Variants in THSD7A observed in about 807,000 individuals in gnomAD.
THSD7A encodes thrombospondin type-1 domain-containing protein 7A.
Under a neutral mutation model 231.3 loss-of-function variants are expected in THSD7A, and 96 were observed. The ratio of observed to expected loss-of-function variants is 0.41; its 90% CI spans 0.35 to 0.49. The LOEUF (loss-of-function observed/expected upper bound fraction) is 0.49, where lower values mean the gene tolerates loss of function less well. THSD7A is among the 20% of genes least tolerant of loss of function. The pLI, the probability that THSD7A is intolerant of heterozygous loss-of-function variation, is 0.05. For synonymous variants in THSD7A, 940 were observed against 743.3 expected (o/e 1.26, Z -4.30); for missense variants, 2,290 against 2,070.2 (o/e 1.11, Z -2.06).
chr7:11,636,360 T>C lies in THSD7A; in HGVS notation c.792A>G (p.Ser264=). 1 of 1,613,906 alleles carries C rather than the reference T, an allele frequency of 6.2e-7. No homozygotes were observed. The highest frequency in any genetic ancestry group is 8.5e-7 in the Non-Finnish European group (1 of 1,179,882). Residue 264 remains serine, a synonymous_variant, in exon 2 of 28, where the codon TCA becomes TCG. Coordinates refer to ENST00000423059, the MANE Select transcript of THSD7A (RefSeq NM_015204.3). This position sits in a 1 kb window ranked among gnomAD's most constrained non-coding sequence, Gnocchi z 10.0. Reference sequence around the variant, plus strand: ...GTCTTACTTGTCGGGAGTGGGGCATTGAGCAGGTGCTCCAGGGCCCCACAT... The same window carrying C: ...GTCTTACTTGTCGGGAGTGGGGCATCGAGCAGGTGCTCCAGGGCCCCACAT... ...SLHVGPWSTC[S]MPHSRQVRQA... is the part of the protein sequence containing the mutation.
intron 1 of THSD7A, among the ~76,000 whole-genome samples, chr7:11,719,212 C>T (rs1487809852): frequency 6.6e-6 from 1 of 151,604 alleles, no homozygotes; most frequent in Non-Finnish European, 1.5e-5. Context: ...TGGGTTCCTT[C>T]TATCTTCCCA....
intron 1 of THSD7A, among the ~76,000 whole-genome samples, chr7:11,799,186 G>T (rs1784210990): frequency 6.6e-6 from 1 of 152,134 alleles, no homozygotes; most frequent in Non-Finnish European, 1.5e-5. Context: ...CTCTCAAAGT[G>T]CTGGGATTAG....
chr7:11,400,866 G>A (rs1783377196), intron 23 of THSD7A, among the ~76,000 whole-genome samples: 1 of 152,200 alleles, frequency 6.6e-6, no homozygotes, highest in Non-Finnish European at 1.5e-5. Context: ...AGCATTAAGG[G>A]TTGTTTGTTG....
intron 2 of THSD7A, among the ~76,000 whole-genome samples, chr7:11,603,924 T>C (rs1780644666): frequency 6.6e-6 from 1 of 150,958 alleles, no homozygotes; most frequent in Non-Finnish European, 1.5e-5. Context: ...ATATACCTAA[T>C]GCTAGATGAC....
chr7:11,505,411 C>T (rs1371138066), intron 6 of THSD7A, among the ~76,000 whole-genome samples: 1 of 150,978 alleles, frequency 6.6e-6, no homozygotes, highest in African/African-American at 2.4e-5. Context: ...TCAGCTACAC[C>T]TTAGGTTTCC....
rs1280880534 is a variant in THSD7A at position 11,682,372 on chromosome 7, T to A, written c.191-45411A>T. ...TTTAAGAGATCTATCTCAAATGTAA[T>A]GATGCCCATAGGCTCAAAGTAAAGG... On this transcript the variant is annotated intron_variant, in intron 1 of 27. Transcript: ENST00000423059. Among the ~76,000 whole-genome samples, 3 of 152,060 alleles carry A rather than the reference T, an allele frequency of 2.0e-5. No homozygotes were observed. The East Asian group carries it at 5.8e-4, about 30-fold the overall frequency.
At chr7:11,513,715 G>A (rs1019797198) in intron 6 of THSD7A, among the ~76,000 whole-genome samples, 4 of 152,146 alleles carry the variant, frequency 2.6e-5, no homozygotes, top group Non-Finnish European at 5.9e-5. Context: ...CTAGATCAAT[G>A]TAGTGGTTGC....
At chr7:11,781,395 C>G (rs1311606410) in intron 1 of THSD7A, among the ~76,000 whole-genome samples, 2 of 151,830 alleles carry the variant, frequency 1.3e-5, no homozygotes, top group African/African-American at 4.8e-5. Flanking sequence ...TTTCAGGCTG[C>G]AAATAGCACC....
chr7:11,709,942 T>G (rs965584867), intron 1 of THSD7A, among the ~76,000 whole-genome samples: 2 of 150,866 alleles, frequency 1.3e-5, no homozygotes, highest in African/African-American at 4.8e-5. Context: ...GTATGCAGAC[T>G]TGCTGACTGC....
chr7:11,718,683 C>T (rs1360571218), intron 1 of THSD7A, among the ~76,000 whole-genome samples: 1 of 151,478 alleles, frequency 6.6e-6, no homozygotes, highest in Non-Finnish European at 1.5e-5. Flanking sequence ...AAGAAACTGA[C>T]CAAATTATTA....
At chr7:11,427,200 G>A (rs572755990) in intron 14 of THSD7A, among the ~76,000 whole-genome samples, 2 of 152,200 alleles carry the variant, frequency 1.3e-5, no homozygotes, top group African/African-American at 2.4e-5. Context: ...ACATATAATT[G>A]TAGTAAACAC....
rs78494314 is a variant in THSD7A at position 11,825,123 on chromosome 7, A to T, written c.190+6634T>A. 1.8e-4 allele frequency among the ~76,000 whole-genome samples: 28 copies of T among 152,232 alleles called. No individual in the cohort carries two copies. In the East Asian group the frequency reaches 5.4e-3, roughly 29 times the overall value. On this transcript the variant is annotated intron_variant, in intron 1 of 27. Transcript: ENST00000423059. ...ACAAATAAGTATGTTAGACCAGTAAAATTTCTGCAACTTATGTCATTTTTA... is the reference window on the plus strand; with the variant it reads ...ACAAATAAGTATGTTAGACCAGTAATATTTCTGCAACTTATGTCATTTTTA...
chr7:11,634,574 A>G lies in THSD7A; in HGVS notation c.1022+1556T>C, dbSNP rs1333561449. ...AATAGGAATTGAGTTGAAAATATAC[A>G]TGATACAGAATCAGAGGTACACACA... On this transcript the variant is annotated intron_variant, in intron 2 of 27. Transcript: ENST00000423059. This position sits in a 1 kb window ranked among gnomAD's most constrained non-coding sequence, Gnocchi z 4.1. Among the ~76,000 whole-genome samples, 7 of 141,308 alleles carry G rather than the reference A, an allele frequency of 5.0e-5. No homozygotes were observed. Among genetic ancestry groups the G allele is most frequent in the African/African-American group, 1.8e-4 (7 of 38,690 alleles). 92.7% of individuals were successfully genotyped at this position (141,308 alleles called of 152,430 possible). A position where few individuals can be genotyped will look rare whatever the true frequency, so the allele number is the denominator to read the frequency against.
intron 2 of THSD7A, among the ~76,000 whole-genome samples, chr7:11,630,281 G>A (rs1781607021): frequency 6.6e-6 from 1 of 152,146 alleles, no homozygotes; most frequent in East Asian, 1.9e-4. Context: ...TTTTAAATTT[G>A]AAGATGAGAG....
intron 1 of THSD7A, among the ~76,000 whole-genome samples, chr7:11,749,975 T>C (rs1782444847): frequency 6.6e-6 from 1 of 151,778 alleles, no homozygotes; most frequent in South Asian, 2.1e-4. Flanking sequence ...CAGTTGTTAA[T>C]ATAATAATAG....
chr7:11,801,661 C>A lies in THSD7A; in HGVS notation c.190+30096G>T, dbSNP rs183304306. ...ATTTATAAAAGGTTTTCCAAAAGAA[C>A]TGGAAAAAAAAGAATACATTTTGTT... On this transcript the variant is annotated intron_variant, in intron 1 of 27. Transcript: ENST00000423059. Among the ~76,000 whole-genome samples, 649 of 151,934 alleles carry A rather than the reference C, an allele frequency of 4.3e-3. 3 individuals carry two copies. The highest frequency in any genetic ancestry group is 6.5e-3 in the Non-Finnish European group (439 of 67,950).
chr7:11,657,263 A>T (rs1196425772), intron 1 of THSD7A, among the ~76,000 whole-genome samples: 1 of 151,856 alleles, frequency 6.6e-6, no homozygotes, highest in African/African-American at 2.4e-5. Flanking sequence ...GGTGGAAATC[A>T]TGAGATTTGA....
At chr7:11,464,838 C>A (rs39189) in intron 9 of THSD7A, among the ~76,000 whole-genome samples, 2 of 152,186 alleles carry the variant, frequency 1.3e-5, no homozygotes, top group Non-Finnish European at 2.9e-5. Context: ...TACCCATTGG[C>A]AGGTCTGTTT....
chr7:11,575,916 C>CT (rs986854737), intron 4 of THSD7A, among the ~76,000 whole-genome samples: 4 of 152,070 alleles, frequency 2.6e-5, no homozygotes, highest in Non-Finnish European at 4.4e-5. Flanking sequence ...GTTACAGTGT[C>CT]TTTTTTATGA....
Sources: allele counts gnomAD v4.1 joint callset (sites outside exome capture counted in the v4.1 genomes callset), GRCh38; gene constraint gnomAD v4.1.1; non-coding constraint Gnocchi (gnomAD v3.1); transcripts MANE v1.5; gene names NCBI Gene and HGNC (gene_info 2026-07-23, HGNC 2026-07-21).